The following RIMS3 variants were observed in gnomAD, a reference collection of about 807,000 sequenced individuals.
RIMS3 encodes regulating synaptic membrane exocytosis protein 3.
Under a neutral mutation model 29.2 loss-of-function variants are expected in RIMS3, and 15 were observed. The observed-to-expected ratio is 0.51, with a 90% CI of 0.34 to 0.79. The LOEUF (loss-of-function observed/expected upper bound fraction) is 0.79, where lower values mean the gene tolerates loss of function less well. Among genes scored for constraint, RIMS3 ranks in the 30% least tolerant of loss-of-function variants. The pLI, the probability that RIMS3 is intolerant of heterozygous loss-of-function variation, is 0.01. For synonymous variants in RIMS3, 161 were observed against 170.1 expected (o/e 0.95, Z 0.41); for missense variants, 342 against 421.4 (o/e 0.81, Z 1.65).
intron 2 of RIMS3, among the ~76,000 whole-genome samples, chr1:40,646,446 C>A (rs1033614914): frequency 6.6e-6 from 1 of 152,150 alleles, no homozygotes; most frequent in African/African-American, 2.4e-5. Flanking sequence ...ATAAACTATA[C>A]CCTTCCCACG....
chr1:40,665,838 A>C (rs1022671585), upstream of RIMS3, among the ~76,000 whole-genome samples: 1 of 152,154 alleles, frequency 6.6e-6, no homozygotes, highest in Non-Finnish European at 1.5e-5. Context: ...GGGGACCTAC[A>C]TTAATGAGGC....
intron 2 of RIMS3, among the ~76,000 whole-genome samples, chr1:40,644,071 T>G (rs978307733): frequency 6.6e-6 from 1 of 151,886 alleles, no homozygotes; most frequent in Admixed American, 6.6e-5. Context: ...TGGGGGGCTC[T>G]CTCTCTTTCT....
At chr1:40,657,498 C>A (rs1642288429) in intron 1 of RIMS3, among the ~76,000 whole-genome samples, 1 of 152,164 alleles carries the variant, frequency 6.6e-6, no homozygotes, top group Admixed American at 6.5e-5. Flanking sequence ...GTAATCCCAG[C>A]ACTTTCAGAG....
chr1:40,632,423 TATATATATATA>T (rs1646494996), intron 5 of RIMS3, among the ~76,000 whole-genome samples: 2 of 17,222 alleles, frequency 1.2e-4, no homozygotes, highest in Non-Finnish European at 2.5e-4. Flanking sequence ...TAAATTTATA[TATATATATATA>T]TATATATATA....
chr1:40,637,644 C>T (rs1415527223), intron 3 of RIMS3, among the ~76,000 whole-genome samples: 1 of 152,184 alleles, frequency 6.6e-6, no homozygotes, highest in Non-Finnish European at 1.5e-5. Flanking sequence ...CACAGTCACA[C>T]AGTCACAAAT....
In RIMS3 at chr1:40,636,175, G is replaced by T; in HGVS notation, c.218-118C>A. The stretch of plus-strand genomic sequence containing the variant: ...CATGGGGGGTTGATGGGGAGGATGA[G>T]CAGGGCTCTGACTGGAGGCAGGGGC... On this transcript the variant is annotated intron_variant, in intron 3 of 7. Transcript: ENST00000372684. This position sits in a 1 kb window ranked among gnomAD's most constrained non-coding sequence, Gnocchi z 4.2. 1 of 1,313,268 alleles carries T rather than the reference G, an allele frequency of 7.6e-7. No individual in the cohort carries two copies. The highest frequency in any genetic ancestry group is 1.1e-6 in the Non-Finnish European group (1 of 944,168). The allele number at this position is 1,313,268 out of a possible 1,614,324, so 81.4% of individuals were successfully genotyped here.
At chr1:40,669,735 T>C (rs1642468024), upstream of RIMS3, 1 of 152,222 alleles carries the variant, frequency 6.6e-6, no homozygotes, top group South Asian at 2.1e-4. Flanking sequence ...CTGAATAAAG[T>C]ACACCAGGAC....
At position 40,623,242 on chromosome 1, in the gene RIMS3, C is replaced by G. The variant is rs1025256394; in HGVS notation, c.*3275G>C. On this transcript the variant is annotated 3_prime_UTR_variant, in exon 8 of 8. Transcript: ENST00000372684. ...TAGTAGAATTGGGTGGTAGAAGAAA[C>G]CAGATGGGGAGTCATTTTGGAGATG... The G allele has an allele frequency of 5.1e-6, 2 of 395,860 alleles. No homozygotes were observed. Among genetic ancestry groups the G allele is most frequent in the Non-Finnish European group, 8.9e-6 (2 of 224,998 alleles). 24.5% of individuals were successfully genotyped at this position (395,860 alleles called of 1,614,324 possible). A position where few individuals can be genotyped will look rare whatever the true frequency, so the allele number is the denominator to read the frequency against.
chr1:40,673,453 C>T, the RIMS3 span: 1 of 152,186 alleles, frequency 6.6e-6, no homozygotes. Context: ...ACATTCTCCG[C>T]CAGGGCTAGG....
intron 1 of RIMS3, among the ~76,000 whole-genome samples, chr1:40,648,358 T>A (rs189158409): frequency 1.3e-5 from 2 of 152,300 alleles, no homozygotes; most frequent in Non-Finnish European, 2.9e-5. Flanking sequence ...CCGGCTGGAC[T>A]GGGGTCAGAT....
At chr1:40,673,338 C>T in the RIMS3 span, 1 of 152,188 alleles carries the variant, frequency 6.6e-6, no homozygotes, top group Non-Finnish European at 1.5e-5. Flanking sequence ...GAGTCCATTC[C>T]AGGAACAAAG....
At chr1:40,646,273 T>C (rs1379348764) in intron 2 of RIMS3, among the ~76,000 whole-genome samples, 1 of 152,028 alleles carries the variant, frequency 6.6e-6, no homozygotes. Context: ...AAGTTACAGA[T>C]AGGGAACCTA....
intron 2 of RIMS3, 64 bp from the exon 3 acceptor site, chr1:40,642,020 C>G: frequency 9.7e-7 from 1 of 1,036,046 alleles, no homozygotes; most frequent in Non-Finnish European, 1.5e-6. Context: ...TGCAGTCCCA[C>G]CACTTCCTAG....
the RIMS3 span, among the ~76,000 whole-genome samples, chr1:40,674,158 C>A: frequency 6.6e-6 from 1 of 152,018 alleles, no homozygotes; most frequent in Admixed American, 6.6e-5. Context: ...CTTCTGGGGG[C>A]AAGAAGGAAG....
Position 40,626,453 on chromosome 1 carries a change from G to T in RIMS3, c.*64C>A. 1 of 1,391,954 alleles carries T rather than the reference G, an allele frequency of 7.2e-7. No individual in the cohort carries two copies. Among genetic ancestry groups the T allele is most frequent in the East Asian group, 2.5e-5 (1 of 40,364 alleles). 86.2% of individuals were successfully genotyped at this position (1,391,954 alleles called of 1,614,324 possible). ...AGAAAGACACGAAGACTATGTACAG[G>T]GGAGGACATGGGGCCAGCAGGCACC... On this transcript the variant is annotated 3_prime_UTR_variant, in exon 8 of 8. Coordinates refer to ENST00000372684, the MANE Select transcript of RIMS3 (RefSeq NM_014747.3).
At chr1:40,682,575 C>G in the RIMS3 span, among the ~76,000 whole-genome samples, 4 of 151,948 alleles carry the variant, frequency 2.6e-5, no homozygotes, top group Non-Finnish European at 5.9e-5. Context: ...CATTCTCTCC[C>G]TGCCTGGAGT....
At chr1:40,640,286 T>C (rs1486506833) in intron 3 of RIMS3, among the ~76,000 whole-genome samples, 1 of 152,128 alleles carries the variant, frequency 6.6e-6, no homozygotes, top group Non-Finnish European at 1.5e-5. Flanking sequence ...GTACCAGGCC[T>C]AAACTGCATA....
At chr1:40,665,978 C>A (rs1231842102), upstream of RIMS3, among the ~76,000 whole-genome samples, 2 of 152,166 alleles carry the variant, frequency 1.3e-5, no homozygotes. Flanking sequence ...TTCTTTGGGG[C>A]ACCTCCCAGG....
Position 40,626,422 on chromosome 1 carries a change from G to A in RIMS3, c.*95C>T. ...GCCAACAGGCATGCAGCAGGACAAG[G>A]GGTCCAGAAAGACACGAAGACTATG... On this transcript the variant is annotated 3_prime_UTR_variant, in exon 8 of 8. Coordinates refer to ENST00000372684, the MANE Select transcript of RIMS3 (RefSeq NM_014747.3). 6.9e-6 allele frequency: 8 copies of A among 1,155,644 alleles called. No homozygotes were observed. The South Asian group carries it at 1.1e-4, about 15-fold the overall frequency. 71.6% of individuals were successfully genotyped at this position (1,155,644 alleles called of 1,614,324 possible).
Sources: gnomAD v4.1 joint callset for allele counts (sites outside exome capture counted in the v4.1 genomes callset) on GRCh38, gnomAD v4.1.1 for gene constraint, Gnocchi (gnomAD v3.1) non-coding constraint, MANE v1.5 for transcripts, NCBI Gene and HGNC (gene_info 2026-07-23, HGNC 2026-07-21) for gene names.